CACNA2D1: variants seen among roughly 807,000 people sequenced by gnomAD.
The protein encoded by CACNA2D1 is calcium voltage-gated channel auxiliary subunit alpha2delta 1, also known as voltage-dependent calcium channel subunit alpha-2/delta-1.
Under a neutral mutation model 171.5 loss-of-function variants are expected in CACNA2D1, and 53 were observed. That is an observed-to-expected ratio of 0.31 (90% confidence interval 0.25 to 0.39). The LOEUF is 0.39. CACNA2D1 is among the 10% of genes least tolerant of loss of function. CACNA2D1 has a pLI of 1.00. For missense variants in CACNA2D1, 903 were observed against 1,299.8 expected, an observed-to-expected ratio of 0.69 and a Z score of 4.69; for synonymous variants, 442 against 443.1, an observed-to-expected ratio of 1.00 and a Z score of 0.03.
intron 3 of CACNA2D1, among the ~76,000 whole-genome samples, chr7:82,224,796 T>A (rs963821876): frequency 4.6e-5 from 7 of 152,104 alleles, no homozygotes; most frequent in African/African-American, 1.7e-4. Flanking sequence ...AGCCAAAATG[T>A]GCGATGACAG....
At chr7:82,403,383 C>T (rs1826659498) in intron 1 of CACNA2D1, among the ~76,000 whole-genome samples, 1 of 152,112 alleles carries the variant, frequency 6.6e-6, no homozygotes, top group Non-Finnish European at 1.5e-5. Context: ...GTAATGTAAA[C>T]TCTTTTTGGT....
At chr7:82,047,402 T>A (rs1804677824) in intron 10 of CACNA2D1, among the ~76,000 whole-genome samples, 1 of 152,102 alleles carries the variant, frequency 6.6e-6, no homozygotes, top group Admixed American at 6.6e-5. Flanking sequence ...CTTGGAAAAT[T>A]CCCTAGTTGA....
At chr7:82,035,805 C>T (rs905624888) in intron 11 of CACNA2D1, among the ~76,000 whole-genome samples, 1 of 152,106 alleles carries the variant, frequency 6.6e-6, no homozygotes, top group Non-Finnish European at 1.5e-5. Context: ...TCAAAAACAA[C>T]CATATTCCTT....
At chr7:82,388,113 C>T (rs1330202860) in intron 1 of CACNA2D1, among the ~76,000 whole-genome samples, 2 of 150,940 alleles carry the variant, frequency 1.3e-5, no homozygotes, top group African/African-American at 2.4e-5. Flanking sequence ...AAACAAACTA[C>T]ATCTGACCTA....
At chr7:82,225,116 C>T (rs966824632) in intron 3 of CACNA2D1, among the ~76,000 whole-genome samples, 25 of 152,116 alleles carry the variant, frequency 1.6e-4, no homozygotes, top group African/African-American at 6.0e-4. Flanking sequence ...ACTAAAATGA[C>T]AGAAATATTA....
intron 3 of CACNA2D1, among the ~76,000 whole-genome samples, chr7:82,207,347 A>G (rs994789993): frequency 6.6e-6 from 1 of 152,144 alleles, no homozygotes; most frequent in African/African-American, 2.4e-5. Flanking sequence ...CTTCTGTAAT[A>G]TGTCTTTTTC....
chr7:82,190,942 A>C (rs1377774302), intron 3 of CACNA2D1, among the ~76,000 whole-genome samples: 1 of 151,740 alleles, frequency 6.6e-6, no homozygotes, highest in Non-Finnish European at 1.5e-5. Context: ...AAATTACAAA[A>C]TATGTTCCAT....
intron 1 of CACNA2D1, among the ~76,000 whole-genome samples, chr7:82,432,655 T>C (rs1359222387): frequency 1.3e-5 from 2 of 152,174 alleles, no homozygotes; most frequent in Non-Finnish European, 2.9e-5. Context: ...TTTTTTAATC[T>C]TCTAGAGTTT....
intron 1 of CACNA2D1, among the ~76,000 whole-genome samples, chr7:82,366,664 T>C (rs900355710): frequency 6.6e-6 from 1 of 152,200 alleles, no homozygotes; most frequent in African/African-American, 2.4e-5. Context: ...CTATTGTGAA[T>C]AGCACTGCAA....
chr7:81,962,579 C>A, intron 34 of CACNA2D1, 84 bp from the exon 35 acceptor site: 1 of 808,552 alleles, frequency 1.2e-6, no homozygotes, highest in South Asian at 1.6e-5. Flanking sequence ...ATACTGTTTC[C>A]CTTTATCTTT....
chr7:82,335,655 C>T (rs3801698), intron 2 of CACNA2D1, among the ~76,000 whole-genome samples: 53,583 of 151,732 alleles, frequency 0.35, 9,932 homozygotes, highest in Middle Eastern at 0.51. Flanking sequence ...AAAACAAAGG[C>T]AGGAGGAAGG....
chr7:81,951,969 G>GTTTTTTTTTTTTTGTTTT, intron 38 of CACNA2D1, among the ~76,000 whole-genome samples: 1 of 71,906 alleles, frequency 1.4e-5, no homozygotes, highest in East Asian at 4.9e-4. Flanking sequence ...TGTACAAAGT[G>GTTTTTTTTTTTTTGTTTT]TTTTTTTTTT....
At chr7:82,437,732 T>C (rs1461314171) in intron 1 of CACNA2D1, among the ~76,000 whole-genome samples, 1 of 151,632 alleles carries the variant, frequency 6.6e-6, no homozygotes, top group Non-Finnish European at 1.5e-5. Flanking sequence ...AATGACCGCT[T>C]TCTTTACTCA....
At position 82,288,821 on chromosome 7, in the gene CACNA2D1, C is replaced by T. The variant is rs922249676; in HGVS notation, c.294+46314G>A. On this transcript the variant is annotated intron_variant, in intron 3 of 38. Coordinates refer to ENST00000356860, the MANE Select transcript of CACNA2D1 (RefSeq NM_000722.4). ...TGTGTTCCATTGAGGTTGTGAAAAT[C>T]AAGCCTTTTGGAGGAGTTCAGAGGA... Among the ~76,000 whole-genome samples the T allele has an allele frequency of 3.3e-5, 5 of 152,148 alleles. No homozygotes were observed. In the East Asian group the frequency reaches 7.7e-4, roughly 23 times the overall value.
intron 1 of CACNA2D1, among the ~76,000 whole-genome samples, chr7:82,353,615 A>C (rs1203693052): frequency 6.6e-6 from 1 of 152,110 alleles, no homozygotes; most frequent in Non-Finnish European, 1.5e-5. Flanking sequence ...GAGGAACCTG[A>C]GTAGTAACTA....
intron 4 of CACNA2D1, among the ~76,000 whole-genome samples, chr7:82,159,091 T>A (rs1794672443): frequency 6.6e-6 from 1 of 151,962 alleles, no homozygotes; most frequent in South Asian, 2.1e-4. Flanking sequence ...ATCTAGGGGA[T>A]AATCAGATGC....
At chr7:82,342,012 C>T (rs189708405) in intron 2 of CACNA2D1, among the ~76,000 whole-genome samples, 61 of 146,474 alleles carry the variant, frequency 4.2e-4, no homozygotes, top group African/African-American at 1.4e-3. Flanking sequence ...TGAGATCGCG[C>T]CACGGTGCTC....
chr7:82,350,542 G>GT (rs1819738897), intron 1 of CACNA2D1, among the ~76,000 whole-genome samples: 2 of 152,156 alleles, frequency 1.3e-5, no homozygotes. Context: ...GCGGACGCCT[G>GT]TAGTCCCAGC....
In CACNA2D1 at chr7:81,950,469, G is replaced by C. The variant is rs760927013; in HGVS notation, c.3199C>G (p.Pro1067Ala). The C allele has an allele frequency of 3.1e-6, 5 of 1,612,750 alleles. No individual in the cohort carries two copies. Among genetic ancestry groups the C allele is most frequent in the Non-Finnish European group, 3.4e-6 (4 of 1,179,504 alleles). ...TDCGGVSGLN[P>A]SLWYIIGIQF... is the part of the protein sequence containing the mutation. Reference sequence around the variant, plus strand: ...ATTCCAATGATATACCACAGGGAGGGATTTAATCCAGAAACACCACCACAG... The same window carrying C: ...ATTCCAATGATATACCACAGGGAGGCATTTAATCCAGAAACACCACCACAG... Residue 1067 changes from proline to alanine, a missense_variant, in exon 39 of 39, where the codon CCC becomes GCC. Coordinates refer to ENST00000356860, the MANE Select transcript of CACNA2D1 (RefSeq NM_000722.4).
Sources: allele counts gnomAD v4.1 joint callset (sites outside exome capture counted in the v4.1 genomes callset), GRCh38; gene constraint gnomAD v4.1.1; transcripts MANE v1.5; gene names NCBI Gene and HGNC (gene_info 2026-07-23, HGNC 2026-07-21).